The following DNAH8 variants were observed in gnomAD, a reference collection of about 807,000 sequenced individuals.
The protein encoded by DNAH8 is axonemal beta dynein heavy chain 8.
In DNAH8, 382 loss-of-function variants were observed where a neutral mutation model predicts 562.1. The observed-to-expected ratio is 0.68, with a 90% CI of 0.63 to 0.74. The LOEUF (loss-of-function observed/expected upper bound fraction) is 0.74. DNAH8 is among the 30% of genes least tolerant of loss of function. The probability of loss-of-function intolerance (pLI) is 0.00; values close to 1 mark genes in which losing one functional copy is unlikely to be tolerated. For missense variants in DNAH8, 5,203 were observed against 5,620.4 expected (o/e 0.93, Z 2.37); for synonymous variants, 1,881 against 1,919.4 (o/e 0.98, Z 0.52).
At chr6:38,957,876 A>AC (rs1448040354) in intron 82 of DNAH8, among the ~76,000 whole-genome samples, 4 of 151,200 alleles carry the variant, frequency 2.6e-5, no homozygotes, top group Admixed American at 2.0e-4. Context: ...CAAAAAAAAA[A>AC]AAAAAAAAAA....
chr6:38,767,001 A>AT (rs1459826895), intron 11 of DNAH8, among the ~76,000 whole-genome samples: 8 of 152,344 alleles, frequency 5.3e-5, no homozygotes, highest in African/African-American at 1.7e-4. Flanking sequence ...TTTAATTATG[A>AT]TAAAAATAGC....
At chr6:38,999,961 G>A (rs1177120627) in intron 88 of DNAH8, among the ~76,000 whole-genome samples, 2 of 142,684 alleles carry the variant, frequency 1.4e-5, no homozygotes, top group East Asian at 2.0e-4. Context: ...TCATTGAAAG[G>A]TGCCAGGAAA....
At position 38,886,851 on chromosome 6, in the gene DNAH8, C is replaced by T. The variant is rs144296783; in HGVS notation, c.8320C>T (p.Pro2774Ser). The T allele has an allele frequency of 4.6e-5, 75 of 1,613,950 alleles. No homozygotes were observed. The highest frequency in any genetic ancestry group is 6.1e-5 in the Non-Finnish European group (72 of 1,179,978). The change falls in exon 57 of 93, where the codon CCT becomes TCT. Residue 2774 changes from proline to serine, a missense_variant. By Grantham distance (74) the Pro-to-Ser change is moderately conservative (BLOSUM62 -1). Coordinates refer to ENST00000327475, the MANE Select transcript of DNAH8 (RefSeq NM_001206927.2). Reference sequence around the variant, plus strand: ...GGAAGGAATGTACAGCTTGGACAAGCCTGGAGACTTCACTACTATTGTTGA... The same window carrying T: ...GGAAGGAATGTACAGCTTGGACAAGTCTGGAGACTTCACTACTATTGTTGA... ...EMEGMYSLDKPGDFTTIVDVQ... is the reference protein window; with the variant it reads ...EMEGMYSLDKSGDFTTIVDVQ...
rs201967679 is a variant in DNAH8, at chr6:39,030,238, C to T, written c.13970C>T (p.Thr4657Met). ...CTCCACATCTTTGCCATTAACTCCA[C>T]GGCACCCAAGGACCCCAAGCTGTAT... The part of the protein sequence containing the change: ...PVLHIFAINS[T>M]APKDPKLYVC... The change falls in exon 93 of 93, where the codon ACG becomes ATG. Residue 4657 changes from threonine (T) to methionine (M), a missense_variant. Thr to Met is a moderately conservative substitution (Grantham distance 81). This residue lies in a region of DNAH8 where 1,399 missense variants were observed against 1,518.4 expected (regional missense o/e 0.92). Coordinates refer to ENST00000327475, the MANE Select transcript of DNAH8 (RefSeq NM_001206927.2). The T allele has an allele frequency of 1.2e-5, 20 of 1,614,004 alleles. No homozygotes were observed. The highest frequency in any genetic ancestry group is 5.0e-5 in the Admixed American group (3 of 59,992).
At chr6:38,764,389 AC>A (rs1478398991) in intron 11 of DNAH8, 1 of 153,156 alleles carries the variant, frequency 6.5e-6, no homozygotes, top group African/African-American at 2.4e-5. Flanking sequence ...AATTATATGA[AC>A]ACACATTCTT....
rs1764638263 is a variant in DNAH8, at chr6:38,742,993, A to AGGTTGTTGT, written c.1293+1106_1293+1107insGGTTGTTGT. On this transcript the variant is annotated intron_variant, in intron 8 of 92. Coordinates refer to ENST00000327475, the MANE Select transcript of DNAH8 (RefSeq NM_001206927.2). ...TTGAGCGGTATGGTTTTCCAAAAAAATGTTGTTGTTGTGCTTTTTTTTTTT... is the reference window on the plus strand; with the variant it reads ...TTGAGCGGTATGGTTTTCCAAAAAAAGGTTGTTGTTGTTGTTGTTGTGCTTTTTTTTTTT... 1.2e-4 allele frequency among the ~76,000 whole-genome samples: 16 copies of AGGTTGTTGT among 133,928 alleles called. No homozygotes were observed. The South Asian group carries it at 4.0e-3, about 34-fold the overall frequency. 87.9% of individuals were successfully genotyped at this position (133,928 alleles called of 152,430 possible). A position where few individuals can be genotyped will look rare whatever the true frequency, so the allele number is the denominator to read the frequency against.
At chr6:38,733,727 A>G (rs952269500) in intron 4 of DNAH8, among the ~76,000 whole-genome samples, 1 of 151,916 alleles carries the variant, frequency 6.6e-6, no homozygotes, top group African/African-American at 2.4e-5. Flanking sequence ...CCTGGCCAAC[A>G]TGGTAAAACC....
Position 38,990,086 on chromosome 6 carries a change from C to T in DNAH8, c.13128C>T (p.Thr4376=). The change falls in exon 88 of 93, where the codon ACC becomes ACT. Residue 4376 remains threonine (T), a synonymous_variant. Coordinates refer to ENST00000327475, the MANE Select transcript of DNAH8 (RefSeq NM_001206927.2). ...YTGYKIPLCK[T]LDQYFEYIQS... is the part of the protein sequence containing the mutation. ...GATATAAAATCCCCTTATGCAAAAC[C>T]TTAGACCAGTATTTTGAATACATCC... 6.3e-7 allele frequency: 1 copy of T among 1,599,034 alleles called. No individual in the cohort carries two copies. Among genetic ancestry groups the T allele is most frequent in the East Asian group, 2.2e-5 (1 of 44,798 alleles).
intron 61 of DNAH8, among the ~76,000 whole-genome samples, chr6:38,898,914 C>T (rs948922080): frequency 2.0e-5 from 3 of 151,982 alleles, no homozygotes; most frequent in Non-Finnish European, 2.9e-5. Context: ...GACCATTCAC[C>T]GTGGCTAGAT....
rs1353700740 is a variant in DNAH8, at chr6:38,896,601, AC to A, written c.8940+377del. ...AAAAAACAAACAAACAAACAAACAAACAAACAAAAAAACAAAAAAGAGAGAG... is the reference window on the plus strand; with the variant it reads ...AAAAAACAAACAAACAAACAAACAAAAAACAAAAAAACAAAAAAGAGAGAG... On this transcript the variant is annotated intron_variant, in intron 60 of 92. Transcript: ENST00000327475. Among the ~76,000 whole-genome samples, 318 of 151,386 alleles carry A rather than the reference AC, an allele frequency of 2.1e-3. 2 individuals are homozygous for A. The highest frequency in any genetic ancestry group is 3.8e-3 in the South Asian group (18 of 4,764).
chr6:38,812,296 C>T (rs117530310), intron 24 of DNAH8, among the ~76,000 whole-genome samples: 5 of 152,176 alleles, frequency 3.3e-5, no homozygotes, highest in Admixed American at 2.0e-4. Flanking sequence ...TTCTCATGTC[C>T]TTTATCTCCC....
At position 38,831,430 on chromosome 6, in the gene DNAH8, C is replaced by CAAAAAAA. The variant is rs67322321; in HGVS notation, c.4189-878_4189-872dup. Among the ~76,000 whole-genome samples, 213 of 88,436 alleles carry CAAAAAAA rather than the reference C, an allele frequency of 2.4e-3. 2 individuals are homozygous for CAAAAAAA. Among genetic ancestry groups the CAAAAAAA allele is most frequent in the Non-Finnish European group, 3.0e-3 (137 of 46,360 alleles). The allele number at this position is 88,436 out of a possible 152,430, so 58.0% of individuals were successfully genotyped here. A position where few individuals can be genotyped will look rare whatever the true frequency, so the allele number is the denominator to read the frequency against. On this transcript the variant is annotated intron_variant, in intron 30 of 92. Transcript: ENST00000327475. ...CTGGTGACAGAGTGAGACACCATCT[C>CAAAAAAA]AAAAAAAAAAAAAAAAAAAAGAAAA...
chr6:38,906,888 G>C (rs1780521734), intron 63 of DNAH8, among the ~76,000 whole-genome samples: 1 of 152,074 alleles, frequency 6.6e-6, no homozygotes, highest in South Asian at 2.1e-4. Context: ...AATCCAAAAT[G>C]CTCCAAAATC....
intron 35 of DNAH8, among the ~76,000 whole-genome samples, chr6:38,844,593 C>A (rs563304415): frequency 6.6e-6 from 1 of 152,132 alleles, no homozygotes; most frequent in East Asian, 1.9e-4. Flanking sequence ...TATAGCCATT[C>A]GTAGGCTGTG....
intron 61 of DNAH8, 127 bp downstream of exon 61, chr6:38,898,507 G>A: frequency 1.5e-6 from 1 of 686,138 alleles, no homozygotes; most frequent in Non-Finnish European, 2.1e-6. Context: ...TACATAGGTT[G>A]GGTCAATTCA....
chr6:38,828,209 T>G lies in DNAH8; in HGVS notation c.4109T>G (p.Phe1370Cys). The change falls in exon 30 of 93, where the codon TTT (phenylalanine) becomes TGT (cysteine). Residue 1370 changes from phenylalanine (F) to cysteine (C), a missense_variant. This residue lies in a region of DNAH8 where 2,176 missense variants were observed against 2,365.1 expected (regional missense o/e 0.92). Coordinates refer to ENST00000327475, the MANE Select transcript of DNAH8 (RefSeq NM_001206927.2). ...GAAGCCTATGCTATTTTAAACAGAT[T>G]TGAAGTTGAAGTAACCAAAGAAGAA... Reference protein sequence around the residue: ...IEEAYAILNRFEVEVTKEESE... With the variant: ...IEEAYAILNRCEVEVTKEESE... 2.2e-5 allele frequency: 35 copies of G among 1,594,964 alleles called. No homozygotes were observed. The highest frequency in any genetic ancestry group is 3.0e-5 in the Non-Finnish European group (35 of 1,172,346).
intron 26 of DNAH8, among the ~76,000 whole-genome samples, chr6:38,816,844 G>A (rs746063285): frequency 6.6e-6 from 1 of 152,150 alleles, no homozygotes; most frequent in Non-Finnish European, 1.5e-5. Flanking sequence ...CACTGATGTT[G>A]AGCTTTTTTT....
intron 88 of DNAH8, among the ~76,000 whole-genome samples, chr6:38,993,690 G>A (rs1420119345): frequency 1.3e-5 from 2 of 151,866 alleles, no homozygotes; most frequent in East Asian, 3.9e-4. Context: ...ATTGTGTTGT[G>A]TCTTGCTTTT....
At chr6:38,984,509 T>A in intron 87 of DNAH8, 1 of 548,960 alleles carries the variant, frequency 1.8e-6, no homozygotes, top group East Asian at 3.2e-5. Context: ...AACCAGCAAT[T>A]GGGCCAGGCA....
Sources: allele counts gnomAD v4.1 joint callset (sites outside exome capture counted in the v4.1 genomes callset), GRCh38; gene constraint gnomAD v4.1.1; regional missense constraint gnomAD v4.1.1; transcripts MANE v1.5; gene names NCBI Gene and HGNC (gene_info 2026-07-23, HGNC 2026-07-21).